The following ANKS1B variants were observed in gnomAD, a reference collection of about 807,000 sequenced individuals.
ANKS1B encodes ankyrin repeat and sterile alpha motif domain containing 1B.
ANKS1B carries 36 observed loss-of-function variants against 148.3 expected under a neutral mutation model. The observed-to-expected ratio is 0.24, with a 90% CI of 0.19 to 0.32. The LOEUF is 0.32. Ranked by LOEUF, ANKS1B falls within the 10% of genes least tolerant of loss-of-function variation. ANKS1B has a pLI of 1.00. For missense variants in ANKS1B, 1,157 were observed against 1,542.6 expected (o/e 0.75, Z 4.19); for synonymous variants, 542 against 560.8 (o/e 0.97, Z 0.47).
intron 24 of ANKS1B, among the ~76,000 whole-genome samples, chr12:98,773,738 G>C (rs1381934426): frequency 6.6e-6 from 1 of 152,212 alleles, no homozygotes; most frequent in South Asian, 2.1e-4. Flanking sequence ...TTACAGGCGT[G>C]AGTCACCGCG....
chr12:99,895,156 C>T (rs911167414), intron 1 of ANKS1B, among the ~76,000 whole-genome samples: 3 of 150,546 alleles, frequency 2.0e-5, no homozygotes, highest in East Asian at 3.9e-4. Context: ...TTGAGTAAAG[C>T]TGATTATTCT....
At chr12:99,516,647 C>A (rs572509573) in intron 9 of ANKS1B, among the ~76,000 whole-genome samples, 11 of 152,062 alleles carry the variant, frequency 7.2e-5, no homozygotes, top group Non-Finnish European at 2.9e-5. Context: ...GGGCTTAACA[C>A]CTAGGTGATG....
At chr12:98,976,367 C>T (rs1223686935) in intron 17 of ANKS1B, 2 of 152,316 alleles carry the variant, frequency 1.3e-5, no homozygotes, top group East Asian at 3.9e-4. Flanking sequence ...TTACTAGAAT[C>T]TCCTTGATTT....
intron 10 of ANKS1B, among the ~76,000 whole-genome samples, chr12:99,474,206 A>C (rs1226702345): frequency 1.3e-5 from 2 of 152,070 alleles, no homozygotes; most frequent in South Asian, 4.1e-4. Flanking sequence ...TTCGTATGTA[A>C]GTCATGAAAG....
intron 2 of ANKS1B, among the ~76,000 whole-genome samples, chr12:99,819,359 G>C (rs1041548685): frequency 1.3e-5 from 2 of 151,766 alleles, no homozygotes; most frequent in Non-Finnish European, 3.0e-5. Flanking sequence ...GATGTTTCTA[G>C]TTATTCAAAG....
chr12:99,620,371 T>C (rs73383782), intron 9 of ANKS1B, among the ~76,000 whole-genome samples: 1,746 of 152,250 alleles, frequency 0.011, 35 homozygotes, highest in African/African-American at 0.04. Flanking sequence ...TCTCCAGCAA[T>C]GGTCCCTAGC....
At chr12:99,747,159 C>T (rs1363190299) in intron 8 of ANKS1B, among the ~76,000 whole-genome samples, 2 of 152,152 alleles carry the variant, frequency 1.3e-5, no homozygotes, top group East Asian at 3.9e-4. Flanking sequence ...AATCTCTTGC[C>T]CTAAAAGCTT....
chr12:99,280,349 C>A (rs1253912762), intron 12 of ANKS1B, among the ~76,000 whole-genome samples: 1 of 152,160 alleles, frequency 6.6e-6, no homozygotes, highest in Non-Finnish European at 1.5e-5. Flanking sequence ...CCTTGTCTTG[C>A]TGGATACATA....
intron 17 of ANKS1B, among the ~76,000 whole-genome samples, chr12:98,938,697 G>A (rs567875466): frequency 1.3e-4 from 20 of 152,334 alleles, no homozygotes; most frequent in Non-Finnish European, 1.9e-4. Flanking sequence ...AAGTCACTTC[G>A]ATGAAAACTT....
chr12:99,378,668 A>G (rs56203669), intron 12 of ANKS1B, among the ~76,000 whole-genome samples: 13,344 of 144,082 alleles, frequency 0.093, 624 homozygotes, highest in African/African-American at 0.11. Flanking sequence ...AAAAAAAAAA[A>G]AAAAAGAAAA....
rs76993678 is a variant in ANKS1B, at chr12:99,774,162, C to G, written c.962-1074G>C. Among the ~76,000 whole-genome samples, 537 of 152,136 alleles carry G rather than the reference C, an allele frequency of 3.5e-3. 19 individuals carry two copies. In the South Asian group the frequency reaches 0.053, roughly 15 times the overall value. On this transcript the variant is annotated intron_variant, in intron 7 of 26. Coordinates refer to ENST00000683438, the MANE Select transcript of ANKS1B (RefSeq NM_001352186.2). ...TGGATCAAACTAAGAAGCTTCTGCA[C>G]TGCAAATAAAACAATCAACACACTA...
chr12:99,826,328 G>T (rs2083185003), intron 1 of ANKS1B, among the ~76,000 whole-genome samples: 1 of 152,110 alleles, frequency 6.6e-6, no homozygotes. Context: ...GATAATCAAG[G>T]TACCAGACAG....
In ANKS1B at chr12:99,759,999, T is replaced by C. The variant is rs905217378; in HGVS notation, c.1128+12923A>G. Among the ~76,000 whole-genome samples, 16 of 151,482 alleles carry C rather than the reference T, an allele frequency of 1.1e-4. No homozygotes were observed. In the East Asian group the frequency reaches 1.6e-3, roughly 15 times the overall value. On this transcript the variant is annotated intron_variant, in intron 8 of 26. Coordinates refer to ENST00000683438, the MANE Select transcript of ANKS1B (RefSeq NM_001352186.2). The stretch of plus-strand genomic sequence containing the variant: ...TGGCCAATAATATATCTGAAGAGTA[T>C]ATAAAAATGGTAACCTCACAAATGT...
chr12:98,926,096 T>C (rs533892603), intron 17 of ANKS1B, among the ~76,000 whole-genome samples: 58 of 152,266 alleles, frequency 3.8e-4, no homozygotes, highest in Non-Finnish European at 6.5e-4. Flanking sequence ...GAAGCCCCTA[T>C]TCTCTCATCT....
chr12:98,900,721 G>A (rs4762523), intron 17 of ANKS1B, among the ~76,000 whole-genome samples: 108,987 of 152,118 alleles, frequency 0.72, 39,401 homozygotes, highest in East Asian at 0.94. Flanking sequence ...GATCCTTTAT[G>A]CCATAATAGT....
At chr12:99,654,233 G>C (rs2153443203) in intron 9 of ANKS1B, among the ~76,000 whole-genome samples, 1 of 152,238 alleles carries the variant, frequency 6.6e-6, no homozygotes, top group Admixed American at 6.5e-5. Context: ...AGACGTGATG[G>C]TTTCTTAGAC....
intron 8 of ANKS1B, among the ~76,000 whole-genome samples, chr12:99,715,450 C>T (rs2057186446): frequency 2.0e-5 from 3 of 152,308 alleles, no homozygotes; most frequent in South Asian, 2.1e-4. Flanking sequence ...CCTTTACCTA[C>T]CCAAATCTTA....
intron 17 of ANKS1B, among the ~76,000 whole-genome samples, chr12:98,941,084 C>T (rs1306475422): frequency 6.6e-6 from 1 of 152,174 alleles, no homozygotes; most frequent in Non-Finnish European, 1.5e-5. Context: ...AGTTAGGCTC[C>T]TGCAAGCCTC....
At chr12:99,450,759 T>C (rs987008490) in intron 10 of ANKS1B, among the ~76,000 whole-genome samples, 2 of 152,202 alleles carry the variant, frequency 1.3e-5, no homozygotes, top group African/African-American at 4.8e-5. Flanking sequence ...TGCAATCCTT[T>C]TAAAGTAATA....
Sources: allele counts gnomAD v4.1 joint callset (sites outside exome capture counted in the v4.1 genomes callset), GRCh38; gene constraint gnomAD v4.1.1; transcripts MANE v1.5; gene names NCBI Gene and HGNC (gene_info 2026-07-23, HGNC 2026-07-21).